CNKSR3: variants seen among roughly 807,000 people sequenced by gnomAD.
CNKSR3 encodes CNKSR family member 3, also known as connector enhancer of kinase suppressor of ras 3.
CNKSR3 carries 36 observed loss-of-function variants against 67.7 expected under a neutral mutation model. That is an observed-to-expected ratio of 0.53 (90% confidence interval 0.41 to 0.70). CNKSR3 has a LOEUF of 0.70. CNKSR3 is among the 30% of genes least tolerant of loss of function. The pLI is 0.00. For missense variants in CNKSR3, 630 were observed against 695.2 expected (o/e 0.91, Z 1.05); for synonymous variants, 281 against 271.4 (o/e 1.04, Z -0.35).
intron 1 of CNKSR3, among the ~76,000 whole-genome samples, chr6:154,462,299 G>A (rs1425214482): frequency 6.9e-6 from 1 of 145,914 alleles, no homozygotes; most frequent in Non-Finnish European, 1.5e-5. Context: ...TCTTTCCGGT[G>A]AACCTGTCTG....
At chr6:154,493,071 CT>C (rs1786813016) in intron 1 of CNKSR3, among the ~76,000 whole-genome samples, 1 of 152,146 alleles carries the variant, frequency 6.6e-6, no homozygotes, top group South Asian at 2.1e-4. Flanking sequence ...CCCCCAATAG[CT>C]CCCCAAAACA....
At chr6:154,447,309 A>G (rs563709640) in intron 2 of CNKSR3, among the ~76,000 whole-genome samples, 4 of 152,150 alleles carry the variant, frequency 2.6e-5, no homozygotes, top group Non-Finnish European at 5.9e-5. Flanking sequence ...CGAGGAACTG[A>G]ATTTTTTTTT....
intron 4 of CNKSR3, among the ~76,000 whole-genome samples, chr6:154,437,470 G>C (rs781208790): frequency 1.5e-5 from 2 of 137,208 alleles, no homozygotes; most frequent in African/African-American, 5.5e-5. Context: ...CTGGAGTGAA[G>C]TGGCGCGATC....
In CNKSR3 at chr6:154,477,205, T is replaced by C. The variant is rs115884654; in HGVS notation, c.53-26947A>G. Among the ~76,000 whole-genome samples the C allele has an allele frequency of 9.4e-3, 1,435 of 152,222 alleles. 17 individuals carry two copies. Among genetic ancestry groups the C allele is most frequent in the African/African-American group, 0.032 (1,324 of 41,528 alleles). ...TTCAGATTTTTCAATCACTGAACTA[T>C]CAAAAATGATTGTAACATTATAACA... is the stretch of plus-strand genomic sequence containing the variant. On this transcript the variant is annotated intron_variant, in intron 1 of 12. Coordinates refer to ENST00000607772, the MANE Select transcript of CNKSR3 (RefSeq NM_173515.4).
intron 4 of CNKSR3, among the ~76,000 whole-genome samples, chr6:154,436,577 T>C (rs1255249606): frequency 1.3e-5 from 2 of 152,136 alleles, no homozygotes; most frequent in African/African-American, 4.8e-5. Flanking sequence ...GGTCTCAAAC[T>C]CCTGGGCTCA....
intron 4 of CNKSR3, among the ~76,000 whole-genome samples, chr6:154,435,113 A>G (rs1407705299): frequency 1.3e-5 from 2 of 150,806 alleles, no homozygotes; most frequent in African/African-American, 2.4e-5. Context: ...CTCCCGCCTC[A>G]GCCTCCCAAG....
rs1784583165 is a variant in CNKSR3, at chr6:154,389,418, C to T, written c.*16936G>A. On this transcript the variant is annotated 3_prime_UTR_variant, in exon 13 of 13. Transcript: ENST00000607772. The stretch of plus-strand genomic sequence containing the variant: ...TGACAATATACATGTGAATCTATTT[C>T]TGGACTCTCTATTCTGTTCCATTCA... The T allele has an allele frequency of 6.6e-6, 1 of 152,280 alleles. No homozygotes were observed. The highest frequency in any genetic ancestry group is 2.4e-5 in the African/African-American group (1 of 41,452). The allele number at this position is 152,280 out of a possible 1,614,324, so 9.4% of individuals were successfully genotyped here.
intron 1 of CNKSR3, among the ~76,000 whole-genome samples, chr6:154,486,078 T>C (rs1017426428): frequency 6.6e-6 from 1 of 152,136 alleles, no homozygotes; most frequent in Non-Finnish European, 1.5e-5. Context: ...GTATTAACTA[T>C]GGTAAAACAA....
intron 1 of CNKSR3, among the ~76,000 whole-genome samples, chr6:154,457,565 C>T (rs888070489): frequency 1.3e-5 from 2 of 152,092 alleles, no homozygotes; most frequent in Non-Finnish European, 2.9e-5. Context: ...ACTAAAAATG[C>T]AAACAGCCGG....
At chr6:154,427,088 G>A (rs72995412) in intron 7 of CNKSR3, among the ~76,000 whole-genome samples, 4,028 of 152,262 alleles carry the variant, frequency 0.026, 92 homozygotes, top group Non-Finnish European at 0.043. Context: ...CCTCGCTGCA[G>A]CTCAACAGAG....
chr6:154,422,861 A>G (rs1047578993), intron 8 of CNKSR3, 54 bp downstream of exon 8: 1 of 1,402,236 alleles, frequency 7.1e-7, no homozygotes, highest in Non-Finnish European at 9.9e-7. Context: ...AAATGGTTTT[A>G]GATTTAATTA....
intron 4 of CNKSR3, chr6:154,433,728 A>T: frequency 2.2e-6 from 1 of 444,898 alleles, no homozygotes; most frequent in East Asian, 3.5e-5. Flanking sequence ...TGACCTAAGG[A>T]GTTCTCATCC....
chr6:154,401,537 A>G lies in CNKSR3; in HGVS notation c.*4817T>C, dbSNP rs1482599665. 1.3e-5 allele frequency: 2 copies of G among 152,232 alleles called. No homozygotes were observed. Among genetic ancestry groups the G allele is most frequent in the East Asian group, 3.8e-4 (2 of 5,208 alleles). The allele number at this position is 152,232 out of a possible 1,614,324, so 9.4% of individuals were successfully genotyped here. On this transcript the variant is annotated 3_prime_UTR_variant, in exon 13 of 13. Coordinates refer to ENST00000607772, the MANE Select transcript of CNKSR3 (RefSeq NM_173515.4). ...GTTATTGCAGCCTGAGCTGATTAAG[A>G]CACAGAGTAACTCACAAAATAAATA...
chr6:154,467,172 C>T (rs1259849172), intron 1 of CNKSR3, among the ~76,000 whole-genome samples: 3 of 152,040 alleles, frequency 2.0e-5, no homozygotes, highest in East Asian at 1.9e-4. Context: ...AACCACCGAC[C>T]GCATCCTCCC....
At chr6:154,502,477 G>A (rs1341670660) in intron 1 of CNKSR3, among the ~76,000 whole-genome samples, 4 of 150,750 alleles carry the variant, frequency 2.7e-5, no homozygotes, top group African/African-American at 5.0e-5. Flanking sequence ...GATTACAGGC[G>A]TGAGCCACCA....
At position 154,407,648 on chromosome 6, in the gene CNKSR3, G is replaced by A. The variant is rs899206195; in HGVS notation, c.1370-996C>T. Among the ~76,000 whole-genome samples, 8 of 151,666 alleles carry A rather than the reference G, an allele frequency of 5.3e-5. No individual in the cohort carries two copies. The South Asian group carries it at 6.3e-4, about 12-fold the overall frequency. ...CCCAAGTAGCTGGGACTACAGGTGC[G>A]CACAACCACACCCAGCCGGTCTCGA... On this transcript the variant is annotated intron_variant, in intron 12 of 12. Transcript: ENST00000607772.
At position 154,467,740 on chromosome 6, in the gene CNKSR3, A is replaced by AATAT. The variant is rs57551186; in HGVS notation, c.53-17486_53-17483dup. On this transcript the variant is annotated intron_variant, in intron 1 of 12. Transcript: ENST00000607772. ...AAAGTATGTGGTTAGACCCATTATAAATATATATATATATATCATTTTTGT... is the reference window on the plus strand; with the variant it reads ...AAAGTATGTGGTTAGACCCATTATAAATATATATATATATATATATCATTTTTGT... Among the ~76,000 whole-genome samples, 784 of 150,298 alleles carry AATAT rather than the reference A, an allele frequency of 5.2e-3. 3 individuals carry two copies. The highest frequency in any genetic ancestry group is 0.017 in the African/African-American group (685 of 40,956).
intron 1 of CNKSR3, among the ~76,000 whole-genome samples, chr6:154,489,970 G>A (rs904651818): frequency 4.6e-5 from 7 of 152,074 alleles, no homozygotes; most frequent in African/African-American, 1.4e-4. Context: ...GGGCTCCTCC[G>A]CCTTCCCCCA....
At chr6:154,444,660 C>T (rs1785670517) in intron 2 of CNKSR3, among the ~76,000 whole-genome samples, 1 of 146,986 alleles carries the variant, frequency 6.8e-6, no homozygotes, top group Middle Eastern at 3.3e-3. Flanking sequence ...GGCTGGAGTG[C>T]AGTGGTGTGA....
Sources: allele counts gnomAD v4.1 joint callset (sites outside exome capture counted in the v4.1 genomes callset), GRCh38; gene constraint gnomAD v4.1.1; transcripts MANE v1.5; gene names NCBI Gene and HGNC (gene_info 2026-07-23, HGNC 2026-07-21).